WDR17: variants seen among roughly 807,000 people sequenced by gnomAD.
WDR17 encodes WD repeat domain 17, also known as WD repeat-containing protein 17.
In WDR17, 143 loss-of-function variants were observed where a neutral mutation model predicts 161.7. The observed-to-expected ratio is 0.88, with a 90% CI of 0.77 to 1.02. The LOEUF is 1.02. Ranked by LOEUF, WDR17 falls within the 50% of genes least tolerant of loss-of-function variation. WDR17 has a pLI of 0.00. For synonymous variants in WDR17, 517 were observed against 515.6 expected, an observed-to-expected ratio of 1.00 and a Z score of -0.04; for missense variants, 1,469 against 1,520.9, an observed-to-expected ratio of 0.97 and a Z score of 0.57.
intron 7 of WDR17, among the ~76,000 whole-genome samples, chr4:176,134,885 G>A (rs546699486): frequency 5.1e-4 from 77 of 151,732 alleles, no homozygotes; most frequent in African/African-American, 1.8e-3. Context: ...TTGAGGAACC[G>A]TGGTTGACTA....
chr4:176,090,255 T>TAAA lies in WDR17; in HGVS notation c.-6-21320_-6-21319insAAA, dbSNP rs1561082183. 4.9e-3 allele frequency among the ~76,000 whole-genome samples: 726 copies of TAAA among 147,774 alleles called. 7 individuals are homozygous for TAAA. The highest frequency in any genetic ancestry group is 0.018 in the African/African-American group (677 of 38,640). On this transcript the variant is annotated intron_variant, in intron 1 of 28. Transcript: ENST00000508596. ...TTAGTTCCTACTAGAGCTGGTTGTT[T>TAAA]TAAAAAAAAAAAAAAAAAGCCTGGC...
chr4:176,123,933 C>A lies in WDR17; in HGVS notation c.539-1171C>A, dbSNP rs557906385. 6.6e-5 allele frequency among the ~76,000 whole-genome samples: 10 copies of A among 152,296 alleles called. No individual in the cohort carries two copies. In the South Asian group the frequency reaches 2.1e-3, roughly 32 times the overall value. Reference sequence around the variant, plus strand: ...GAAGCCACCTAGTGGCCACCAGCTACCTAGTCAACTCATTAGCATACAAAA... The same window carrying A: ...GAAGCCACCTAGTGGCCACCAGCTAACTAGTCAACTCATTAGCATACAAAA... On this transcript the variant is annotated intron_variant, in intron 4 of 28. Coordinates refer to ENST00000508596, the MANE Select transcript of WDR17 (RefSeq NM_181265.4).
chr4:176,080,993 C>A (rs1734678128), intron 1 of WDR17, among the ~76,000 whole-genome samples: 1 of 151,904 alleles, frequency 6.6e-6, no homozygotes, highest in African/African-American at 2.4e-5. Context: ...CCTGGAGCTC[C>A]TACTGAATTC....
intron 3 of WDR17, among the ~76,000 whole-genome samples, chr4:176,116,991 C>T (rs887448012): frequency 6.6e-6 from 1 of 151,812 alleles, no homozygotes; most frequent in African/African-American, 2.4e-5. Flanking sequence ...ATATGGATCT[C>T]ATTCCCAAGT....
chr4:176,124,036 G>A (rs933388927), intron 4 of WDR17, among the ~76,000 whole-genome samples: 7 of 152,170 alleles, frequency 4.6e-5, no homozygotes, highest in African/African-American at 1.2e-4. Context: ...TATATTTTAC[G>A]ATATCATAGT....
At chr4:176,166,788 AAACTACTC>A (rs1749836675) in intron 22 of WDR17, among the ~76,000 whole-genome samples, 1 of 152,164 alleles carries the variant, frequency 6.6e-6, no homozygotes, top group South Asian at 2.1e-4. Context: ...ATGAACAGCT[AAACTACTC>A]TAACTTGGAA....
Position 176,119,989 on chromosome 4 carries a change from G to T in WDR17, c.430G>T (p.Asp144Tyr). 1 of 1,614,056 alleles carries T rather than the reference G, an allele frequency of 6.2e-7. No homozygotes were observed. Among genetic ancestry groups the T allele is most frequent in the Non-Finnish European group, 8.5e-7 (1 of 1,179,998 alleles). Residue 144 changes from aspartate (D) to tyrosine (Y), a missense_variant, in exon 4 of 29, where the codon GAT (aspartate) becomes TAT (tyrosine). Physicochemically the swap from Asp to Tyr is radical, Grantham distance 160. Coordinates refer to ENST00000508596, the MANE Select transcript of WDR17 (RefSeq NM_181265.4). ...AGATAGTGGAGTGATTGTACACAAA[G>T]ATGCTCATAGCTTCTTGTCTGATAT... ...GPDSGVIVHK[D>Y]AHSFLSDICM...
chr4:176,130,186 G>C (rs914524912), intron 6 of WDR17, among the ~76,000 whole-genome samples: 10 of 152,150 alleles, frequency 6.6e-5, no homozygotes, highest in Non-Finnish European at 2.9e-5. Flanking sequence ...ATTCTGAAAA[G>C]CATGATTTAC....
chr4:176,160,634 G>A (rs1001358533), intron 19 of WDR17, among the ~76,000 whole-genome samples: 4 of 152,118 alleles, frequency 2.6e-5, no homozygotes, highest in Non-Finnish European at 5.9e-5. Flanking sequence ...ACTTATTTTA[G>A]ATCTTTAAAC....
intron 10 of WDR17, 80 bp downstream of exon 10, chr4:176,140,054 T>G (rs915316068): frequency 8.1e-7 from 1 of 1,229,192 alleles, no homozygotes; most frequent in Non-Finnish European, 1.1e-6. Context: ...TGTGTATCCA[T>G]GAGATTTCAT....
At chr4:176,084,567 A>AT (rs1448292395) in intron 1 of WDR17, among the ~76,000 whole-genome samples, 5 of 151,588 alleles carry the variant, frequency 3.3e-5, no homozygotes, top group African/African-American at 1.2e-4. Flanking sequence ...TGTAACCATA[A>AT]TATTGTCCTA....
chr4:176,111,388 GCC>G, intron 1 of WDR17, 185 bp from the exon 2 acceptor site: 1 of 415,106 alleles, frequency 2.4e-6, no homozygotes, highest in Non-Finnish European at 4.1e-6. Context: ...TAAATTAGTT[GCC>G]TTGATGTCTG....
intron 3 of WDR17, among the ~76,000 whole-genome samples, chr4:176,116,245 G>T (rs1740615758): frequency 6.6e-6 from 1 of 151,548 alleles, no homozygotes; most frequent in African/African-American, 2.4e-5. Flanking sequence ...TATAATGTAA[G>T]AATTTCCAAA....
intron 16 of WDR17, 130 bp downstream of exon 16, chr4:176,150,723 C>T (rs1020255620): frequency 3.4e-6 from 3 of 884,990 alleles, no homozygotes; most frequent in Admixed American, 3.7e-5. Context: ...CTGAGGAGAT[C>T]CATCTTGGGT....
In WDR17 at chr4:176,106,972, C is replaced by T. The variant is rs527465606; in HGVS notation, c.-6-4603C>T. Among the ~76,000 whole-genome samples, 11 of 152,100 alleles carry T rather than the reference C, an allele frequency of 7.2e-5. No homozygotes were observed. The South Asian group carries it at 1.7e-3, about 23-fold the overall frequency. On this transcript the variant is annotated intron_variant, in intron 1 of 28. Coordinates refer to ENST00000508596, the MANE Select transcript of WDR17 (RefSeq NM_181265.4). The stretch of plus-strand genomic sequence containing the variant: ...AAAAAGAGGAAGAAGGAAAGAAAAA[C>T]CCTATCAACAGTAAAATGGACAGCA...
chr4:176,086,843 A>T (rs1053673371), intron 1 of WDR17, among the ~76,000 whole-genome samples: 1 of 151,680 alleles, frequency 6.6e-6, no homozygotes. Context: ...TCTGATTTAC[A>T]ATTTTTAATT....
intron 1 of WDR17, among the ~76,000 whole-genome samples, chr4:176,086,890 G>A (rs1242326325): frequency 6.6e-6 from 1 of 151,558 alleles, no homozygotes; most frequent in Non-Finnish European, 1.5e-5. Context: ...CTGATAGTAT[G>A]TTTATTTACT....
chr4:176,068,448 A>G (rs1317678121), intron 1 of WDR17: 2 of 152,014 alleles, frequency 1.3e-5, no homozygotes, highest in Non-Finnish European at 2.9e-5. Flanking sequence ...AATAATACAA[A>G]AATTAGCTGG....
Position 176,128,820 on chromosome 4 carries a change from T to C in WDR17, c.873T>C (p.Phe291=), listed in dbSNP as rs200219389. 4 of 1,604,994 alleles carry C rather than the reference T, an allele frequency of 2.5e-6. No homozygotes were observed. The highest frequency in any genetic ancestry group is 3.4e-5 in the Admixed American group (2 of 58,756). ...IDNLKLKKTG[F]HCLHVLNSPP... ...ATCTTAAATTAAAGAAAACAGGATT[T>C]CACTGCTTACATGTACTTAATTCTC... is the stretch of plus-strand genomic sequence containing the variant. The change falls in exon 6 of 29, where the codon TTT becomes TTC. Residue 291 remains phenylalanine (F), a synonymous_variant. Coordinates refer to ENST00000508596, the MANE Select transcript of WDR17 (RefSeq NM_181265.4).
Sources: allele counts gnomAD v4.1 joint callset (sites outside exome capture counted in the v4.1 genomes callset), GRCh38; gene constraint gnomAD v4.1.1; transcripts MANE v1.5; gene names NCBI Gene and HGNC (gene_info 2026-07-23, HGNC 2026-07-21).